NIN: variants seen among roughly 807,000 people sequenced by gnomAD.
NIN encodes the protein ninein.
Under a neutral mutation model 257.6 loss-of-function variants are expected in NIN, and 137 were observed. The observed-to-expected ratio is 0.53, with a 90% CI of 0.46 to 0.61. The LOEUF (loss-of-function observed/expected upper bound fraction) is 0.61. NIN is among the 20% of genes least tolerant of loss of function. NIN has a pLI of 0.00. For missense variants in NIN, 2,439 were observed against 2,501.2 expected, an observed-to-expected ratio of 0.98 and a Z score of 0.53; for synonymous variants, 918 against 919.8, an observed-to-expected ratio of 1.00 and a Z score of 0.04.
At chr14:50,784,637 C>T (rs1257224336) in intron 5 of NIN, among the ~76,000 whole-genome samples, 1 of 152,230 alleles carries the variant, frequency 6.6e-6, no homozygotes, top group African/African-American at 2.4e-5. Context: ...TTAAAATCTA[C>T]AGCCTTGATA....
chr14:50,800,749 T>C (rs558016388), intron 4 of NIN, among the ~76,000 whole-genome samples: 1 of 151,790 alleles, frequency 6.6e-6, no homozygotes, highest in East Asian at 1.9e-4. Flanking sequence ...TAGTTGGCAC[T>C]GGTGGTGGTA....
chr14:50,767,680 G>A (rs972024620), intron 12 of NIN, among the ~76,000 whole-genome samples: 7 of 151,956 alleles, frequency 4.6e-5, no homozygotes, highest in South Asian at 2.1e-4. Flanking sequence ...AGCCAGGTGT[G>A]GTGGCGGGCG....
chr14:50,755,185 T>C (rs961065420), intron 18 of NIN, among the ~76,000 whole-genome samples: 2 of 152,216 alleles, frequency 1.3e-5, no homozygotes, highest in African/African-American at 4.8e-5. Flanking sequence ...GCAAATGTCT[T>C]CATTTATCTC....
chr14:50,792,986 A>C (rs1399645925), intron 4 of NIN, 105 bp from the exon 5 acceptor site: 1 of 1,156,334 alleles, frequency 8.6e-7, no homozygotes, highest in Non-Finnish European at 1.2e-6. Context: ...CTCAAAATAA[A>C]CCACCACTGT....
Position 50,766,314 on chromosome 14 carries a change from T to C in NIN, c.1628A>G (p.Gln543Arg), listed in dbSNP as rs1424954433. 7 of 1,613,802 alleles carry C rather than the reference T, an allele frequency of 4.3e-6. No individual in the cohort carries two copies. In the South Asian group the frequency reaches 7.7e-5, roughly 18 times the overall value. Residue 543 changes from glutamine (Q) to arginine (R), a missense_variant, in exon 14 of 31, where the codon CAG becomes CGG. Transcript: ENST00000530997. ...LTQMRNEYER[Q>R]CRVLQDQVDE... is the part of the protein sequence containing the mutation. ...TTCTCTTTGTCTACCTACCCTGCAC[T>C]GCCGCTCATATTCATTTCTCATCTG... is the stretch of plus-strand genomic sequence containing the variant.
intron 2 of NIN, among the ~76,000 whole-genome samples, chr14:50,826,631 A>G (rs572103850): frequency 1.6e-4 from 25 of 152,310 alleles, no homozygotes; most frequent in Non-Finnish European, 3.2e-4. Flanking sequence ...CAACCAAGGT[A>G]CAGAAAGGAG....
At chr14:50,727,996 C>G (rs115640315) in intron 29 of NIN, among the ~76,000 whole-genome samples, 1 of 152,092 alleles carries the variant, frequency 6.6e-6, no homozygotes, top group Non-Finnish European at 1.5e-5. Context: ...AATGGGAGAG[C>G]CTGCAGTAGC....
Position 50,738,203 on chromosome 14 carries a change from T to C in NIN, c.5712A>G (p.Glu1904=). ...CACACTCTCTCTTTAAGCTCAATTT[T>C]TCTTGCTCTGTGGGATTCATGGTAC... ...PSGTMNPTEQ[E]KLSLKRECDQ... is the part of the protein sequence containing the mutation. The change falls in exon 27 of 31, where the codon GAA becomes GAG. Residue 1904 remains glutamate, a synonymous_variant. Transcript: ENST00000530997. 6.2e-7 allele frequency: 1 copy of C among 1,614,198 alleles called. No individual in the cohort carries two copies. The highest frequency in any genetic ancestry group is 8.5e-7 in the Non-Finnish European group (1 of 1,180,022).
At position 50,740,915 on chromosome 14, in the gene NIN, G is replaced by C. The variant is rs2041253824; in HGVS notation, c.5448+667C>G. On this transcript the variant is annotated intron_variant, in intron 25 of 30. Coordinates refer to ENST00000530997, the MANE Select transcript of NIN (RefSeq NM_020921.4). ...ATTGTTCTTAATTTATTTGCACACA[G>C]ATTAGGCAGCACTGTGACTTATTAA... is the stretch of plus-strand genomic sequence containing the variant. Among the ~76,000 whole-genome samples the C allele has an allele frequency of 1.3e-5, 2 of 152,254 alleles. 1 individual carries two copies. Among genetic ancestry groups the C allele is most frequent in the South Asian group, 4.1e-4 (2 of 4,832 alleles).
At chr14:50,736,422 C>T (rs1334327992) in intron 27 of NIN, among the ~76,000 whole-genome samples, 3 of 152,114 alleles carry the variant, frequency 2.0e-5, no homozygotes, top group African/African-American at 7.2e-5. Flanking sequence ...CAGGCATGAG[C>T]CACCGCGTCC....
At chr14:50,729,790 T>C (rs1480989823) in intron 28 of NIN, 67 bp from the exon 29 acceptor site, 4 of 1,249,296 alleles carry the variant, frequency 3.2e-6, no homozygotes, top group Non-Finnish European at 4.4e-6. Context: ...CTTTATGGTG[T>C]CAGGCAGTGA....
At chr14:50,737,954 T>C (rs2041078135) in intron 27 of NIN, among the ~76,000 whole-genome samples, 186 bp downstream of exon 27, 1 of 152,170 alleles carries the variant, frequency 6.6e-6, no homozygotes, top group Non-Finnish European at 1.5e-5. Flanking sequence ...CAAACTGTTA[T>C]TTTTTCAACC....
intron 20 of NIN, among the ~76,000 whole-genome samples, chr14:50,753,661 T>C (rs941142572): frequency 2.0e-5 from 3 of 152,236 alleles, no homozygotes; most frequent in Non-Finnish European, 4.4e-5. Context: ...TATATAGATA[T>C]ATATTCATTA....
chr14:50,726,991 G>A (rs1054637240), intron 29 of NIN, among the ~76,000 whole-genome samples: 7 of 152,158 alleles, frequency 4.6e-5, no homozygotes, highest in South Asian at 2.1e-4. Flanking sequence ...GTAACTATCC[G>A]GAGGATAAAA....
chr14:50,825,195 G>A (rs2045402743), intron 2 of NIN, among the ~76,000 whole-genome samples: 1 of 152,150 alleles, frequency 6.6e-6, no homozygotes, highest in Non-Finnish European at 1.5e-5. Flanking sequence ...ACAAAGGAGT[G>A]GTAAACTGAA....
In NIN at chr14:50,777,054, C is replaced by A; in HGVS notation, c.561G>T (p.Leu187=). ...SPPQDWIEEK[L]QEVCEDLGIT... is the part of the protein sequence containing the mutation. ...TCCCCAAATCTTCACAAACTTCTTG[C>A]AGTTTCTCTTCTATCCAGTCTTGGG... Residue 187 remains leucine, a synonymous_variant, in exon 7 of 31, where the codon CTG becomes CTT. Transcript: ENST00000530997. 1 of 1,614,210 alleles carries A rather than the reference C, an allele frequency of 6.2e-7. No homozygotes were observed.
chr14:50,723,725 C>A, intron 30 of NIN, 53 bp from the exon 31 acceptor site: 1 of 1,522,058 alleles, frequency 6.6e-7, no homozygotes, highest in Non-Finnish European at 9.1e-7. Flanking sequence ...TCTTCTTAAA[C>A]CTTCAGTTTA....
intron 23 of NIN, 102 bp from the exon 24 acceptor site, chr14:50,743,631 AT>A (rs1784463101): frequency 1.5e-6 from 1 of 683,738 alleles, no homozygotes; most frequent in African/African-American, 1.8e-5. Flanking sequence ...AGTACCATCT[AT>A]TTATGTAGGG....
At chr14:50,735,406 T>G in intron 28 of NIN, 110 bp downstream of exon 28, 1 of 1,428,846 alleles carries the variant, frequency 7.0e-7, no homozygotes, top group South Asian at 1.5e-5. Context: ...GGCAGTGTAC[T>G]TAGATTTTCA....
Sources: gnomAD v4.1 joint callset for allele counts (sites outside exome capture counted in the v4.1 genomes callset) on GRCh38, gnomAD v4.1.1 for gene constraint, MANE v1.5 for transcripts, NCBI Gene and HGNC (gene_info 2026-07-23, HGNC 2026-07-21) for gene names.